Variants in HDAC9 observed in about 807,000 individuals in gnomAD.
HDAC9 encodes MEF-2 interacting transcription repressor (MITR) protein.
A neutral mutation model predicts 139.4 loss-of-function variants in HDAC9; 41 were observed. The observed-to-expected ratio is 0.29, with a 90% CI of 0.23 to 0.38. The LOEUF (loss-of-function observed/expected upper bound fraction) is 0.38. HDAC9 is among the 10% of genes least tolerant of loss of function. HDAC9 has a pLI of 1.00. For missense variants in HDAC9, 1,147 were observed against 1,297.0 expected, an observed-to-expected ratio of 0.88 and a Z score of 1.78; for synonymous variants, 517 against 476.2, an observed-to-expected ratio of 1.09 and a Z score of -1.12.
intron 1 of HDAC9, among the ~76,000 whole-genome samples, chr7:18,391,861 A>G (rs192369941): frequency 3.9e-5 from 6 of 152,334 alleles, no homozygotes; most frequent in Admixed American, 2.6e-4. Flanking sequence ...ACAGGATTCC[A>G]TGAGTTCACA....
chr7:18,876,862 C>T (rs1025572481), intron 22 of HDAC9, among the ~76,000 whole-genome samples: 6 of 151,946 alleles, frequency 3.9e-5, no homozygotes, highest in Admixed American at 3.3e-4. Context: ...GCCACCATGC[C>T]TGGCTCATTT....
chr7:18,699,977 G>C (rs956455179), intron 12 of HDAC9, among the ~76,000 whole-genome samples: 3 of 151,764 alleles, frequency 2.0e-5, no homozygotes, highest in Non-Finnish European at 2.9e-5. Context: ...ACGTTGTTCT[G>C]TGTTCCTAAA....
chr7:18,582,906 C>A (rs1828267854), intron 2 of HDAC9, among the ~76,000 whole-genome samples: 1 of 152,102 alleles, frequency 6.6e-6, no homozygotes, highest in African/African-American at 2.4e-5. Flanking sequence ...TACGCTTAGC[C>A]TATACAATGG....
chr7:18,540,273 CAAAAAAAAA>C lies in HDAC9; in HGVS notation c.22+43961_22+43969del, dbSNP rs967501382. ...GGGCAACAATAGTGAAACTCCATCT[CAAAAAAAAA>C]AAAAAAAAAAAGGTTGGGTGGGAAA... is the stretch of plus-strand genomic sequence containing the variant. On this transcript the variant is annotated intron_variant, in intron 2 of 25. Coordinates refer to ENST00000686413, the MANE Select transcript of HDAC9 (RefSeq NM_178425.4). Among the ~76,000 whole-genome samples, 134 of 43,198 alleles carry C rather than the reference CAAAAAAAAA, an allele frequency of 3.1e-3. 2 individuals are homozygous for C. The highest frequency in any genetic ancestry group is 8.9e-4 in the Admixed American group (4 of 4,482). 28.3% of individuals were successfully genotyped at this position (43,198 alleles called of 152,430 possible).
chr7:18,227,707 C>T (rs1469421303), intron 2 of HDAC9, among the ~76,000 whole-genome samples: 1 of 152,094 alleles, frequency 6.6e-6, no homozygotes. Context: ...TAGCCTGCTG[C>T]CTGCTGTCAT....
intron 6 of HDAC9, among the ~76,000 whole-genome samples, chr7:18,617,640 G>C (rs1839011380): frequency 6.6e-6 from 1 of 152,026 alleles, no homozygotes; most frequent in African/African-American, 2.4e-5. Flanking sequence ...AATATGCCCT[G>C]ACATATCTCT....
intron 18 of HDAC9, 83 bp from the exon 19 acceptor site, chr7:18,829,378 T>C: frequency 8.2e-7 from 1 of 1,221,932 alleles, no homozygotes; most frequent in Non-Finnish European, 1.2e-6. Context: ...ATATAGCATT[T>C]AAAAAAATGC....
At chr7:18,292,163 C>A (rs1028112862) in intron 1 of HDAC9, among the ~76,000 whole-genome samples, 1 of 152,060 alleles carries the variant, frequency 6.6e-6, no homozygotes, top group Non-Finnish European at 1.5e-5. Context: ...ATGCACCTGG[C>A]ACTGTGCTAT....
chr7:18,450,891 G>A (rs935868991), intron 1 of HDAC9, among the ~76,000 whole-genome samples: 4 of 152,166 alleles, frequency 2.6e-5, no homozygotes, highest in Non-Finnish European at 4.4e-5. Context: ...CATAGAAAAT[G>A]AGGGTGAAAG....
intron 1 of HDAC9, among the ~76,000 whole-genome samples, chr7:18,345,877 A>T (rs1782375219): frequency 6.6e-6 from 1 of 151,446 alleles, no homozygotes; most frequent in Admixed American, 6.6e-5. Context: ...ATTAGAGTTG[A>T]CTCTTTTCCA....
chr7:18,817,530 A>G lies in HDAC9; in HGVS notation c.2323-11631A>G, dbSNP rs1794662694. ...TCCAGTTAAATCTTTCAAAAGCATT[A>G]TGTCCTGACCATGTTTCTGATTTCT... On this transcript the variant is annotated intron_variant, in intron 17 of 25. Coordinates refer to ENST00000686413, the MANE Select transcript of HDAC9 (RefSeq NM_178425.4). Among the ~76,000 whole-genome samples the G allele has an allele frequency of 2.6e-5, 4 of 152,218 alleles. No homozygotes were observed. The South Asian group carries it at 8.3e-4, about 31-fold the overall frequency.
intron 1 of HDAC9, among the ~76,000 whole-genome samples, chr7:18,330,946 A>G (rs1441533098): frequency 6.6e-6 from 1 of 151,758 alleles, no homozygotes; most frequent in Non-Finnish European, 1.5e-5. Context: ...GAGGAGAATC[A>G]GGGAAATTTT....
intron 21 of HDAC9, among the ~76,000 whole-genome samples, chr7:18,858,531 T>A (rs1251925495): frequency 1.3e-5 from 2 of 152,144 alleles, no homozygotes; most frequent in Non-Finnish European, 2.9e-5. Context: ...ATGTGGGGAT[T>A]ATGGGAACTA....
At position 18,165,710 on chromosome 7, in the gene HDAC9, A is replaced by T. The variant is rs189632429; in HGVS notation, c.25+3361A>T. Among the ~76,000 whole-genome samples, 853 of 151,848 alleles carry T rather than the reference A, an allele frequency of 5.6e-3. 3 individuals are homozygous for T. The highest frequency in any genetic ancestry group is 0.02 in the African/African-American group (816 of 41,390). ...GAAGCTGAGGTGGGAGGATTGCTCG[A>T]GCCCAGGAGGTCAAGGCTGCAGTGA... On this transcript the variant is annotated intron_variant, in intron 2 of 12. Transcript: ENST00000417496.
At chr7:18,264,766 A>G (rs933436753) in intron 2 of HDAC9, among the ~76,000 whole-genome samples, 5 of 152,194 alleles carry the variant, frequency 3.3e-5, no homozygotes, top group Non-Finnish European at 2.9e-5. Context: ...TATCTATCTT[A>G]TTGACATCTC....
At chr7:18,416,296 CA>C (rs920615552) in intron 1 of HDAC9, among the ~76,000 whole-genome samples, 2 of 147,884 alleles carry the variant, frequency 1.4e-5, no homozygotes, top group Non-Finnish European at 3.0e-5. Flanking sequence ...AACTCCATCT[CA>C]AAAAAAAACA....
intron 6 of HDAC9, among the ~76,000 whole-genome samples, chr7:18,619,347 T>C (rs1430401896): frequency 6.6e-6 from 1 of 152,220 alleles, no homozygotes; most frequent in African/African-American, 2.4e-5. Context: ...GTTTCCTTCA[T>C]GCTTGGATGT....
intron 1 of HDAC9, among the ~76,000 whole-genome samples, chr7:18,136,330 G>T (rs1018457838): frequency 6.6e-6 from 1 of 152,088 alleles, no homozygotes; most frequent in African/African-American, 2.4e-5. Context: ...TGTCAATTTT[G>T]TCCTTTGTTG....
intron 14 of HDAC9, among the ~76,000 whole-genome samples, chr7:18,751,814 A>G (rs1007390921): frequency 2.6e-5 from 4 of 152,144 alleles, no homozygotes; most frequent in Non-Finnish European, 4.4e-5. Flanking sequence ...CACTATTTTC[A>G]TAACTTATTT....
Sources: gnomAD v4.1 joint callset for allele counts (sites outside exome capture counted in the v4.1 genomes callset) on GRCh38, gnomAD v4.1.1 for gene constraint, MANE v1.5 for transcripts, NCBI Gene and HGNC (gene_info 2026-07-23, HGNC 2026-07-21) for gene names.